The following SPTB variants were observed in gnomAD, a reference collection of about 807,000 sequenced individuals.
SPTB encodes spectrin beta chain, erythrocytic.
Under a neutral mutation model 256.2 loss-of-function variants are expected in SPTB, and 45 were observed. The ratio of observed to expected loss-of-function variants is 0.18; its 90% CI spans 0.14 to 0.23. The LOEUF (loss-of-function observed/expected upper bound fraction) is 0.23, where lower values mean the gene tolerates loss of function less well. Ranked by LOEUF, SPTB falls within the 10% of genes least tolerant of loss-of-function variation. SPTB has a pLI of 1.00. For missense variants in SPTB, 2,715 were observed against 3,040.4 expected (o/e 0.89, Z 2.52); for synonymous variants, 1,231 against 1,243.1 (o/e 0.99, Z 0.21).
In SPTB at chr14:64,786,682, C is replaced by T. The variant is rs201653621; in HGVS notation, c.3283G>A (p.Glu1095Lys). 15 of 1,614,116 alleles carry T rather than the reference C, an allele frequency of 9.3e-6. No individual in the cohort carries two copies. Among genetic ancestry groups the T allele is most frequent in the Non-Finnish European group, 1.2e-5 (14 of 1,179,976 alleles). The change falls in exon 16 of 36, where the codon GAG (glutamate) becomes AAG (lysine). Residue 1095 changes from glutamate to lysine, a missense_variant. By Grantham distance (56) the Glu-to-Lys change is moderately conservative (BLOSUM62 1). Around this residue, in one of 4 missense-constraint regions of SPTB, gnomAD observed 2,239 missense variants for 2,384.4 expected, o/e 0.94. Coordinates refer to ENST00000644917, the MANE Select transcript of SPTB (RefSeq NM_001355436.2). The surrounding 1 kb of genome is among the most constrained non-coding windows in gnomAD (Gnocchi z 5.6). ...TGCTGCTGCAGGAGCTGCTCAGCCT[C>T]TGGGAGGGATTCGGGCATGTCCTCA... is the stretch of plus-strand genomic sequence containing the variant. ...ASEDMPESLP[E>K]AEQLLQQHAG...
At position 64,775,410 on chromosome 14, in the gene SPTB, C is replaced by T. The variant is rs766420023; in HGVS notation, c.4564-7G>A. The T allele has an allele frequency of 2.5e-6, 4 of 1,610,084 alleles. No homozygotes were observed. Among genetic ancestry groups the T allele is most frequent in the Non-Finnish European group, 2.5e-6 (3 of 1,177,130 alleles). On this transcript the variant is annotated splice_region_variant and splice_polypyrimidine_tract_variant and intron_variant, in intron 22 of 35. Coordinates refer to ENST00000644917, the MANE Select transcript of SPTB (RefSeq NM_001355436.2). This position sits in a 1 kb window ranked among gnomAD's most constrained non-coding sequence, Gnocchi z 5.0. ...GAATCTCATTCTGCAGTGTCTGCGG[C>T]CAGAAGGAAGGGCTCGGGGCAGGGC... is the stretch of plus-strand genomic sequence containing the variant.
chr14:64,850,011 C>G (rs964156662), intron 1 of SPTB, among the ~76,000 whole-genome samples: 1 of 152,150 alleles, frequency 6.6e-6, no homozygotes, highest in Non-Finnish European at 1.5e-5. Flanking sequence ...AAAGGATAGC[C>G]CCCAGTATGT....
At position 64,775,491 on chromosome 14, in the gene SPTB, T is replaced by G; in HGVS notation, c.4564-88A>C. 1 of 1,505,618 alleles carries G rather than the reference T, an allele frequency of 6.6e-7. No homozygotes were observed. The highest frequency in any genetic ancestry group is 9.0e-7 in the Non-Finnish European group (1 of 1,116,372). The allele number at this position is 1,505,618 out of a possible 1,614,324, so 93.3% of individuals were successfully genotyped here. On this transcript the variant is annotated intron_variant, in intron 22 of 35. Coordinates refer to ENST00000644917, the MANE Select transcript of SPTB (RefSeq NM_001355436.2). This position sits in a 1 kb window ranked among gnomAD's most constrained non-coding sequence, Gnocchi z 5.0. Reference sequence around the variant, plus strand: ...CAGTGGCAGCACAGCTCTGACACCCTTGGTCCCTCTCACCCCCGTTGCTAG... The same window carrying G: ...CAGTGGCAGCACAGCTCTGACACCCGTGGTCCCTCTCACCCCCGTTGCTAG...
chr14:64,813,690 A>AT (rs891863412), intron 2 of SPTB, among the ~76,000 whole-genome samples: 8 of 152,060 alleles, frequency 5.3e-5, no homozygotes, highest in African/African-American at 1.4e-4. Context: ...GCCCAGCTAA[A>AT]TTTTTTTGTA....
At chr14:64,833,339 T>G (rs1164517479) in intron 1 of SPTB, among the ~76,000 whole-genome samples, 2 of 152,024 alleles carry the variant, frequency 1.3e-5, no homozygotes, top group Non-Finnish European at 2.9e-5. Flanking sequence ...TCACCTGAGG[T>G]TGGCAGTTCG....
intron 32 of SPTB, among the ~76,000 whole-genome samples, chr14:64,765,859 A>ATG (rs72331445): frequency 0.14 from 16,163 of 119,472 alleles, 1,032 homozygotes; most frequent in African/African-American, 0.19. Flanking sequence ...GTGCACATGT[A>ATG]TGTGTGTGTG....
At position 64,792,151 on chromosome 14, in the gene SPTB, G is replaced by C. The variant is rs1466285053; in HGVS notation, c.2667-295C>G. ...TGAAGGGGAGGGAGGGCTGAAGAGAGGTTACTGTGTATTTGTGTGGGGGAT... is the reference window on the plus strand; with the variant it reads ...TGAAGGGGAGGGAGGGCTGAAGAGACGTTACTGTGTATTTGTGTGGGGGAT... On this transcript the variant is annotated intron_variant, in intron 14 of 35. Coordinates refer to ENST00000644917, the MANE Select transcript of SPTB (RefSeq NM_001355436.2). This position sits in a 1 kb window ranked among gnomAD's most constrained non-coding sequence, Gnocchi z 4.2. 6.6e-6 allele frequency among the ~76,000 whole-genome samples: 1 copy of C among 152,206 alleles called. No homozygotes were observed. Among genetic ancestry groups the C allele is most frequent in the African/African-American group, 2.4e-5 (1 of 41,450 alleles).
At chr14:64,839,278 A>G (rs1282715310) in intron 1 of SPTB, among the ~76,000 whole-genome samples, 2 of 152,272 alleles carry the variant, frequency 1.3e-5, no homozygotes, top group Non-Finnish European at 2.9e-5. Context: ...TATGCACAAC[A>G]TGAATGTATC....
At chr14:64,767,542 C>T in intron 30 of SPTB, 121 bp downstream of exon 30, 1 of 1,445,400 alleles carries the variant, frequency 6.9e-7, no homozygotes, top group Non-Finnish European at 9.6e-7. Context: ...CCCATTGTCG[C>T]TGCTGGCCAA....
At chr14:64,851,237 T>C (rs951032527) in intron 1 of SPTB, among the ~76,000 whole-genome samples, 1 of 152,246 alleles carries the variant, frequency 6.6e-6, no homozygotes, top group African/African-American at 2.4e-5. Flanking sequence ...TATGAGCAGA[T>C]TTCCTGTGTC....
chr14:64,840,007 A>G (rs2083581960), intron 1 of SPTB, among the ~76,000 whole-genome samples: 1 of 152,260 alleles, frequency 6.6e-6, no homozygotes, highest in South Asian at 2.1e-4. Flanking sequence ...TCAGAAAGTT[A>G]TCTCCTGCAA....
rs2082572050 is a variant in SPTB, at chr14:64,786,500, C to T, written c.3465G>A (p.Arg1155=). 6.2e-7 allele frequency: 1 copy of T among 1,614,006 alleles called. No individual in the cohort carries two copies. Among genetic ancestry groups the T allele is most frequent in the Admixed American group, 1.7e-5 (1 of 60,012 alleles). Reference sequence around the variant, plus strand: ...GGGTGTGGCTGCGGCTCTCCCACATCCTGCCCAGGGCATTCCAGCCAGTAT... The same window carrying T: ...GGGTGTGGCTGCGGCTCTCCCACATTCTGCCCAGGGCATTCCAGCCAGTAT... ...GLDTGWNALG[R]MWESRSHTLA... is the part of the protein sequence containing the mutation. Residue 1155 remains arginine (R), a synonymous_variant, in exon 16 of 36, where the codon AGG becomes AGA. Coordinates refer to ENST00000644917, the MANE Select transcript of SPTB (RefSeq NM_001355436.2). This position sits in a 1 kb window ranked among gnomAD's most constrained non-coding sequence, Gnocchi z 5.6.
At chr14:64,769,163 C>G (rs907990168) in intron 28 of SPTB, 45 bp from the exon 29 acceptor site, 2 of 1,576,100 alleles carry the variant, frequency 1.3e-6, no homozygotes, top group Non-Finnish European at 1.7e-6. Context: ...GCTCACCCTT[C>G]ACCATCTGAG....
chr14:64,799,679 G>A (rs1258750960), intron 9 of SPTB, 68 bp downstream of exon 9: 6 of 1,583,310 alleles, frequency 3.8e-6, no homozygotes, highest in Non-Finnish European at 4.3e-6. Context: ...CCCAGAACCT[G>A]GCTCTACCTT....
At chr14:64,769,532 G>C in intron 28 of SPTB, 58 bp downstream of exon 28, 4 of 1,606,440 alleles carry the variant, frequency 2.5e-6, no homozygotes, top group Non-Finnish European at 3.4e-6. Context: ...AGGCTGCCTG[G>C]CTGGCACAGT....
chr14:64,843,257 G>T (rs922592952), intron 1 of SPTB, among the ~76,000 whole-genome samples: 4 of 152,108 alleles, frequency 2.6e-5, no homozygotes, highest in African/African-American at 9.7e-5. Context: ...CTTTTACAGG[G>T]CCAGGAGAAG....
At chr14:64,868,988 T>C (rs112792794) in intron 1 of SPTB, among the ~76,000 whole-genome samples, 15 of 151,976 alleles carry the variant, frequency 9.9e-5, no homozygotes, top group African/African-American at 3.1e-4. Flanking sequence ...TGCAACTAAT[T>C]ACCTCTGTAA....
chr14:64,809,804 A>T (rs2083053839), intron 2 of SPTB, among the ~76,000 whole-genome samples: 1 of 152,242 alleles, frequency 6.6e-6, no homozygotes, highest in Non-Finnish European at 1.5e-5. Flanking sequence ...TCTCAAAGGA[A>T]GTATGCAAAA....
intron 8 of SPTB, 125 bp downstream of exon 8, chr14:64,800,631 T>A (rs2082865364): frequency 1.2e-6 from 1 of 833,758 alleles, no homozygotes; most frequent in Middle Eastern, 3.3e-4. Flanking sequence ...AAGGTCAGCT[T>A]TAGAGGAAGT....
Sources: allele counts gnomAD v4.1 joint callset (sites outside exome capture counted in the v4.1 genomes callset), GRCh38; gene constraint gnomAD v4.1.1; regional missense constraint gnomAD v4.1.1; non-coding constraint Gnocchi (gnomAD v3.1); transcripts MANE v1.5; gene names NCBI Gene and HGNC (gene_info 2026-07-23, HGNC 2026-07-21).